The following FRMPD4 variants were observed in gnomAD, a reference collection of about 807,000 sequenced individuals.
The protein encoded by FRMPD4 is FERM and PDZ domain containing 4, also known as FERM and PDZ domain-containing protein 4.
Under a neutral mutation model 94.1 loss-of-function variants are expected in FRMPD4, and 22 were observed. The ratio of observed to expected loss-of-function variants is 0.23; its 90% confidence interval spans 0.17 to 0.33. The LOEUF (loss-of-function observed/expected upper bound fraction) is 0.33. Ranked by LOEUF, FRMPD4 falls within the 10% of genes least tolerant of loss-of-function variation. The probability of loss-of-function intolerance (pLI) is 1.00; values close to 1 mark genes in which losing one functional copy is unlikely to be tolerated. For synonymous variants in FRMPD4, 631 were observed against 548.6 expected (o/e 1.15, Z -2.10); for missense variants, 1,111 against 1,339.9 (o/e 0.83, Z 2.67).
intron 1 of FRMPD4, among the ~76,000 whole-genome samples, chrX:12,331,228 T>G (rs1208927074): frequency 9.2e-6 from 1 of 109,162 alleles, no homozygotes; most frequent in African/African-American, 3.3e-5. Flanking sequence ...GATTTCGTTT[T>G]TTTTTTTTTT....
intron 3 of FRMPD4, among the ~76,000 whole-genome samples, chrX:12,038,883 A>AT (rs1195307385): frequency 1.3e-4 from 14 of 106,690 alleles, no homozygotes; most frequent in East Asian, 5.9e-4. Context: ...TATTTTTTCT[A>AT]TTTTTTTTTG....
intron 3 of FRMPD4, among the ~76,000 whole-genome samples, chrX:12,076,338 GTGTGTGTGTGTGTGTGTGTA>G (rs2055015902): frequency 2.8e-5 from 3 of 108,879 alleles, no homozygotes; most frequent in African/African-American, 6.7e-5. Context: ...GTGTGTGTGT[GTGTGTGTGTGTGTGTGTGTA>G]TGTGTGTGTG....
At chrX:12,416,603 T>C in intron 1 of FRMPD4, among the ~76,000 whole-genome samples, 1 of 112,421 alleles carries the variant, frequency 8.9e-6, no homozygotes. Context: ...CAATTCCAAG[T>C]TGTGATTTTC....
intron 2 of FRMPD4, among the ~76,000 whole-genome samples, chrX:12,573,972 T>C (rs775479676): frequency 4.5e-4 from 51 of 112,560 alleles, no homozygotes; most frequent in African/African-American, 1.6e-3. Context: ...TATAAATATG[T>C]TGCTTATGTT....
At chrX:11,904,131 G>T (rs775078519) in intron 3 of FRMPD4, among the ~76,000 whole-genome samples, 1 of 111,633 alleles carries the variant, frequency 9.0e-6, no homozygotes, top group Non-Finnish European at 1.9e-5. Flanking sequence ...AAATAATCAG[G>T]ATATTGTAGA....
chrX:12,705,196 CTTTTGT>C (rs763552572), intron 11 of FRMPD4, among the ~76,000 whole-genome samples: 66 of 111,966 alleles, frequency 5.9e-4, no homozygotes, highest in Non-Finnish European at 1.1e-3. Context: ...TCTTTTTATG[CTTTTGT>C]TTTTGTTTTC....
At chrX:11,869,010 A>AT (rs35838959) in intron 2 of FRMPD4, among the ~76,000 whole-genome samples, 1 of 109,610 alleles carries the variant, frequency 9.1e-6, no homozygotes, top group African/African-American at 3.3e-5. Context: ...ATGGGCATTG[A>AT]TTTTTTTTTG....
chrX:12,305,735 T>G (rs866617633), intron 1 of FRMPD4, among the ~76,000 whole-genome samples: 1 of 90,724 alleles, frequency 1.1e-5, no homozygotes, highest in African/African-American at 4.7e-5. Flanking sequence ...GTTTTTTTTT[T>G]TTTTTTTTTT....
intron 1 of FRMPD4, among the ~76,000 whole-genome samples, chrX:12,319,830 T>C (rs1296977759): frequency 8.9e-6 from 1 of 112,128 alleles, no homozygotes; most frequent in Non-Finnish European, 1.9e-5. Flanking sequence ...CCTATTTTTA[T>C]CACTGAACAA....
chrX:12,543,469 T>G (rs1290322781), intron 2 of FRMPD4, among the ~76,000 whole-genome samples: 10 of 111,898 alleles, frequency 8.9e-5, no homozygotes, highest in African/African-American at 2.3e-4. Flanking sequence ...CATTTATGCA[T>G]CCAAAAGACA....
At position 12,541,416 on chromosome X, in the gene FRMPD4, C is replaced by T. The variant is rs373984873; in HGVS notation, c.158+42620C>T. Among the ~76,000 whole-genome samples, 146 of 111,197 alleles carry T rather than the reference C, an allele frequency of 1.3e-3. 1 individual carries two copies. In the East Asian group the frequency reaches 0.023, roughly 18 times the overall value. On this transcript the variant is annotated intron_variant, in intron 2 of 16. Coordinates refer to ENST00000675598, the MANE Select transcript of FRMPD4 (RefSeq NM_001368397.1). ...AAAATGATAAAGGGGATATCACCAC[C>T]GATCCCACAGAAATACAAACTACCA...
chrX:12,184,867 C>T (rs760550731), intron 1 of FRMPD4, among the ~76,000 whole-genome samples: 2 of 110,521 alleles, frequency 1.8e-5, no homozygotes, highest in African/African-American at 6.6e-5. Context: ...GTAGGGGCGA[C>T]GTAGGGATGG....
intron 3 of FRMPD4, among the ~76,000 whole-genome samples, chrX:12,011,293 C>T (rs2054579481): frequency 8.9e-6 from 1 of 111,738 alleles, no homozygotes; most frequent in African/African-American, 3.3e-5. Flanking sequence ...GTAGGTTGGC[C>T]ACTCCGAGGA....
intron 2 of FRMPD4, among the ~76,000 whole-genome samples, chrX:12,526,769 TTATCA>T (rs1459493686): frequency 2.7e-5 from 3 of 112,360 alleles, no homozygotes; most frequent in African/African-American, 9.7e-5. Flanking sequence ...CTTCCAGAAG[TTATCA>T]TATGAGAAAA....
intron 3 of FRMPD4, among the ~76,000 whole-genome samples, chrX:11,920,796 T>G (rs2054051144): frequency 8.9e-6 from 1 of 111,808 alleles, no homozygotes; most frequent in South Asian, 3.8e-4. Flanking sequence ...ACCAGCCTCT[T>G]TCCTCTGGGC....
intron 4 of FRMPD4, among the ~76,000 whole-genome samples, chrX:12,645,522 A>G: frequency 9.2e-6 from 1 of 108,258 alleles, no homozygotes. Flanking sequence ...CGCCCGACTA[A>G]TTTTGTATTT....
At chrX:12,322,481 T>C in intron 1 of FRMPD4, among the ~76,000 whole-genome samples, 1 of 110,218 alleles carries the variant, frequency 9.1e-6, no homozygotes, top group Non-Finnish European at 1.9e-5. Context: ...GATGATGTGC[T>C]TGGTGTGTTC....
intron 1 of FRMPD4, among the ~76,000 whole-genome samples, chrX:12,220,828 C>T (rs1367583773): frequency 1.8e-5 from 2 of 112,046 alleles, no homozygotes; most frequent in African/African-American, 6.5e-5. Flanking sequence ...TAGAAATTAA[C>T]TTTATTCCCA....
chrX:12,266,351 G>A (rs760815160), intron 1 of FRMPD4, among the ~76,000 whole-genome samples: 1 of 110,453 alleles, frequency 9.1e-6, no homozygotes, highest in South Asian at 3.9e-4. Flanking sequence ...GCATCCATTG[G>A]GTTTACTTTT....
Sources: allele counts gnomAD v4.1 joint callset (sites outside exome capture counted in the v4.1 genomes callset), GRCh38; gene constraint gnomAD v4.1.1; transcripts MANE v1.5; gene names NCBI Gene and HGNC (gene_info 2026-07-23, HGNC 2026-07-21).